CTNNA2: variants seen among roughly 807,000 people sequenced by gnomAD.
CTNNA2 encodes the protein catenin alpha 2.
In CTNNA2, 42 loss-of-function variants were observed where a neutral mutation model predicts 101.0. The observed-to-expected ratio is 0.42, with a 90% CI of 0.32 to 0.54. The LOEUF (loss-of-function observed/expected upper bound fraction) is 0.54, where lower values mean the gene tolerates loss of function less well. CTNNA2 is among the 20% of genes least tolerant of loss of function. The pLI is 0.14. For synonymous variants in CTNNA2, 450 were observed against 456.4 expected (o/e 0.99, Z 0.18); for missense variants, 871 against 1,223.1 (o/e 0.71, Z 4.29).
At chr2:79,327,044 A>G (rs957225198) in intron 3 of CTNNA2, among the ~76,000 whole-genome samples, 1 of 152,140 alleles carries the variant, frequency 6.6e-6, no homozygotes, top group African/African-American at 2.4e-5. Flanking sequence ...TAGATGATAA[A>G]ATGCCTGTAA....
intron 4 of CTNNA2, among the ~76,000 whole-genome samples, chr2:79,426,395 G>T (rs1185720041): frequency 6.6e-6 from 1 of 152,064 alleles, no homozygotes; most frequent in Non-Finnish European, 1.5e-5. Flanking sequence ...TTTGTGTAGG[G>T]CATGCTTTGA....
intron 7 of CTNNA2, among the ~76,000 whole-genome samples, chr2:79,947,325 A>G (rs1688566329): frequency 6.6e-6 from 1 of 152,160 alleles, no homozygotes. Flanking sequence ...CAAATATCCT[A>G]GTTATGTTTT....
intron 9 of CTNNA2, among the ~76,000 whole-genome samples, chr2:80,472,615 G>A (rs919397033): frequency 6.6e-6 from 1 of 152,110 alleles, no homozygotes; most frequent in Non-Finnish European, 1.5e-5. Context: ...GTACATTCAC[G>A]GGGTTGGATT....
At chr2:79,773,110 A>G (rs576872901) in intron 3 of CTNNA2, among the ~76,000 whole-genome samples, 1 of 152,316 alleles carries the variant, frequency 6.6e-6, no homozygotes, top group African/African-American at 2.4e-5. Context: ...ACAGCCATGA[A>G]GACTAGAAAG....
chr2:80,533,186 C>T (rs1690691252), intron 9 of CTNNA2, among the ~76,000 whole-genome samples: 1 of 152,152 alleles, frequency 6.6e-6, no homozygotes, highest in Admixed American at 6.6e-5. Flanking sequence ...TGGTAAGTTG[C>T]AATGGGTAGC....
chr2:79,895,892 T>C (rs1684681102), intron 6 of CTNNA2, among the ~76,000 whole-genome samples: 2 of 152,100 alleles, frequency 1.3e-5, no homozygotes, highest in African/African-American at 4.8e-5. Context: ...CCACAGACCA[T>C]TGTTTGTTGA....
intron 9 of CTNNA2, 108 bp from the exon 10 acceptor site, chr2:80,544,874 A>G (rs1018152365): frequency 1.9e-5 from 17 of 890,128 alleles, no homozygotes; most frequent in Admixed American, 2.8e-5. Context: ...CTTATTTCTG[A>G]AAGAATTCTC....
intron 3 of CTNNA2, among the ~76,000 whole-genome samples, chr2:79,795,215 A>G (rs1004731917): frequency 2.6e-5 from 4 of 152,184 alleles, no homozygotes; most frequent in African/African-American, 7.2e-5. Flanking sequence ...TATACAAACT[A>G]TGATATCTTT....
At chr2:80,625,991 C>T (rs1671645870) in intron 18 of CTNNA2, among the ~76,000 whole-genome samples, 1 of 151,946 alleles carries the variant, frequency 6.6e-6, no homozygotes, top group African/African-American at 2.4e-5. Context: ...TCCCAAAAAG[C>T]TGAATGAATC....
At chr2:79,523,164 A>AT (rs1312741519) in intron 1 of CTNNA2, 10 of 366,474 alleles carry the variant, frequency 2.7e-5, no homozygotes, top group African/African-American at 4.3e-5. Context: ...GTAACATTGC[A>AT]TTTTTTTGGA....
At chr2:79,473,171 G>C (rs1671017451) in intron 4 of CTNNA2, among the ~76,000 whole-genome samples, 1 of 152,086 alleles carries the variant, frequency 6.6e-6, no homozygotes, top group Non-Finnish European at 1.5e-5. Flanking sequence ...GTCCTCACCA[G>C]AATCACCTTT....
intron 1 of CTNNA2, among the ~76,000 whole-genome samples, chr2:79,531,280 A>G (rs1672729160): frequency 7.0e-6 from 1 of 143,516 alleles, no homozygotes; most frequent in South Asian, 2.2e-4. Context: ...TTCTTAGTTT[A>G]TTCTTTCATT....
rs148395720 is a variant in CTNNA2 at position 79,384,016 on chromosome 2, G to A, written c.-135+10003G>A. Reference sequence around the variant, plus strand: ...TTGTGGTCTGAAGAGTGGGAAGGACGTAGAGAAATTGGATGGTGCTTACAG... The same window carrying A: ...TTGTGGTCTGAAGAGTGGGAAGGACATAGAGAAATTGGATGGTGCTTACAG... On this transcript the variant is annotated intron_variant, in intron 4 of 21. Coordinates refer to the CTNNA2 transcript ENST00000466387. 9.3e-3 allele frequency among the ~76,000 whole-genome samples: 1,419 copies of A among 152,254 alleles called. 2 individuals carry two copies. Among genetic ancestry groups the A allele is most frequent in the Non-Finnish European group, 0.015 (992 of 68,014 alleles).
chr2:79,718,193 CT>C lies in CTNNA2; in HGVS notation c.103-26190del, dbSNP rs554821733. ...TACTCTGATTTCCTCTTTGATACGA[CT>C]TTTATTACTTCTCAAATGAAGTTAA... On this transcript the variant is annotated intron_variant, in intron 2 of 18. Transcript: ENST00000402739. Among the ~76,000 whole-genome samples, 786 of 152,270 alleles carry C rather than the reference CT, an allele frequency of 5.2e-3. 4 individuals are homozygous for C. Among genetic ancestry groups the C allele is most frequent in the Non-Finnish European group, 5.8e-3 (393 of 68,014 alleles).
intron 3 of CTNNA2, among the ~76,000 whole-genome samples, chr2:79,837,144 T>C (rs1679432795): frequency 6.6e-6 from 1 of 152,176 alleles, no homozygotes; most frequent in Admixed American, 6.5e-5. Context: ...CAGGAGTTTA[T>C]TAAGTATTAA....
chr2:80,271,651 T>G (rs867942647), intron 7 of CTNNA2, among the ~76,000 whole-genome samples: 1 of 152,140 alleles, frequency 6.6e-6, no homozygotes, highest in Non-Finnish European at 1.5e-5. Flanking sequence ...CTCGATCTCC[T>G]GACCTCGTGA....
chr2:80,157,098 T>C (rs1193005855), intron 7 of CTNNA2, among the ~76,000 whole-genome samples: 1 of 152,182 alleles, frequency 6.6e-6, no homozygotes, highest in Non-Finnish European at 1.5e-5. Flanking sequence ...GAATAGAATG[T>C]AAACATTCTC....
intron 4 of CTNNA2, among the ~76,000 whole-genome samples, chr2:79,443,649 A>G (rs1223316296): frequency 2.0e-5 from 3 of 152,132 alleles, no homozygotes; most frequent in Non-Finnish European, 2.9e-5. Context: ...ACCTTCTCTG[A>G]CACAATTCTG....
chr2:80,087,161 G>A (rs1204721582), intron 7 of CTNNA2, among the ~76,000 whole-genome samples: 1 of 152,016 alleles, frequency 6.6e-6, no homozygotes, highest in African/African-American at 2.4e-5. Context: ...TTCACAGTGA[G>A]TCAGCAATTA....
Sources: gnomAD v4.1 joint callset for allele counts (sites outside exome capture counted in the v4.1 genomes callset) on GRCh38, gnomAD v4.1.1 for gene constraint, MANE v1.5 for transcripts, NCBI Gene and HGNC (gene_info 2026-07-23, HGNC 2026-07-21) for gene names.